IGSF22: variants seen among roughly 807,000 people sequenced by gnomAD.
IGSF22 encodes the protein immunoglobulin superfamily member 22.
A neutral mutation model predicts 127.0 loss-of-function variants in IGSF22; 119 were observed. That is an observed-to-expected ratio of 0.94 (90% confidence interval 0.81 to 1.09). The LOEUF (loss-of-function observed/expected upper bound fraction) is 1.09. Among genes scored for constraint, IGSF22 ranks in the 50% least tolerant of loss-of-function variants. The pLI is 0.00. For synonymous variants in IGSF22, 568 were observed against 664.7 expected (o/e 0.85, Z 2.24); for missense variants, 1,518 against 1,716.6 (o/e 0.88, Z 2.04).
chr11:18,708,058 C>A, intron 19 of IGSF22, 62 bp from the exon 20 acceptor site: 1 of 1,593,664 alleles, frequency 6.3e-7, no homozygotes, highest in African/African-American at 1.3e-5. Flanking sequence ...GCAGGCCTTC[C>A]TCCATTGTCG....
rs370118681 is a variant in IGSF22 at position 18,710,775 on chromosome 11, C to T, written c.2452G>A (p.Val818Met). The T allele has an allele frequency of 5.9e-5, 96 of 1,614,006 alleles. No individual in the cohort carries two copies. The East Asian group carries it at 7.4e-4, about 12-fold the overall frequency. The change falls in exon 16 of 23, where the codon GTG becomes ATG. Residue 818 changes from valine to methionine, a missense_variant. Transcript: ENST00000513874. Reference sequence around the variant, plus strand: ...GTAGGGGCATTCCACGTGATGGTCACGGCTTCTTTAGTCACATCAGTCACT... The same window carrying T: ...GTAGGGGCATTCCACGTGATGGTCATGGCTTCTTTAGTCACATCAGTCACT... ...PQVTDVTKEAVTITWNAPTQD... is the reference protein window; with the variant it reads ...PQVTDVTKEAMTITWNAPTQD...
At chr11:18,706,841 C>T in intron 21 of IGSF22, 73 bp downstream of exon 21, 1 of 1,207,548 alleles carries the variant, frequency 8.3e-7, no homozygotes, top group Non-Finnish European at 1.1e-6. Context: ...TCTTGGGTAC[C>T]CTTTGGGACC....
At chr11:18,712,555 G>A (rs1410172293) in intron 14 of IGSF22, among the ~76,000 whole-genome samples, 171 bp from the exon 15 acceptor site, 2 of 152,190 alleles carry the variant, frequency 1.3e-5, no homozygotes, top group African/African-American at 4.8e-5. Context: ...TGCCCAAAGA[G>A]TTTGATCCTT....
At chr11:18,708,117 G>A in intron 19 of IGSF22, 90 bp downstream of exon 19, 2 of 1,485,546 alleles carry the variant, frequency 1.3e-6, no homozygotes, top group Non-Finnish European at 9.3e-7. Flanking sequence ...GAGGGGCAGA[G>A]TCAGAGTCAG....
rs746177170 is a variant in IGSF22, at chr11:18,709,350, G to A, written c.2998+37C>T. On this transcript the variant is annotated intron_variant, in intron 18 of 22. Transcript: ENST00000513874. The surrounding 1 kb of genome is among the most constrained non-coding windows in gnomAD (Gnocchi z 4.8). ...AGAGGAGAAGGTTTGGAGGTACAAT[G>A]TTGGGCATGAATCCCCAGCCCTCTC... is the stretch of plus-strand genomic sequence containing the variant. The A allele has an allele frequency of 6.3e-7, 1 of 1,592,440 alleles. No homozygotes were observed. The highest frequency in any genetic ancestry group is 1.7e-5 in the Admixed American group (1 of 59,726).
At chr11:18,710,237 C>G (rs939768199) in intron 17 of IGSF22, 90 bp downstream of exon 17, 48 of 1,528,492 alleles carry the variant, frequency 3.1e-5, no homozygotes, top group Non-Finnish European at 4.3e-5. Flanking sequence ...TGTGATACCT[C>G]GTGTCATACT....
intron 14 of IGSF22, 25 bp downstream of exon 14, chr11:18,713,827 C>G: frequency 6.4e-7 from 1 of 1,574,034 alleles, no homozygotes; most frequent in Non-Finnish European, 8.6e-7. Flanking sequence ...CAGCTCAGCC[C>G]AGCCCGGACT....
chr11:18,711,645 A>T (rs1432149208), intron 15 of IGSF22, among the ~76,000 whole-genome samples: 1 of 152,114 alleles, frequency 6.6e-6, no homozygotes, highest in Non-Finnish European at 1.5e-5. Flanking sequence ...TGATCCTCCC[A>T]CCTCGGCCTC....
chr11:18,712,373 G>A lies in IGSF22; in HGVS notation c.2107C>T (p.Pro703Ser). 6.4e-7 allele frequency: 1 copy of A among 1,550,508 alleles called. No homozygotes were observed. Among genetic ancestry groups the A allele is most frequent in the Non-Finnish European group, 8.7e-7 (1 of 1,146,122 alleles). The part of the protein sequence containing the change: ...LHLSVLDRPK[P>S]PQGRVEFLEL... ...AGGAACTCCACCCGGCCCTGTGGAGGCTTTGGACGGTCTGGGGACAGAGAA... is the reference window on the plus strand; with the variant it reads ...AGGAACTCCACCCGGCCCTGTGGAGACTTTGGACGGTCTGGGGACAGAGAA... The change falls in exon 15 of 23, where the codon CCT (proline) becomes TCT (serine). Residue 703 changes from proline (P) to serine (S), a missense_variant. Transcript: ENST00000513874.
Position 18,705,926 on chromosome 11 carries a change from C to G in IGSF22, c.3801G>C (p.Val1267=). 1.3e-6 allele frequency: 2 copies of G among 1,551,732 alleles called. No individual in the cohort carries two copies. The highest frequency in any genetic ancestry group is 1.7e-6 in the Non-Finnish European group (2 of 1,146,994). ...TGCAGGTGGGGATGACGAGGGTGCACACGCCGCTGGTGGAGTTGTACCAGA... is the reference window on the plus strand; with the variant it reads ...TGCAGGTGGGGATGACGAGGGTGCAGACGCCGCTGGTGGAGTTGTACCAGA... The part of the protein sequence containing the change: ...SKFWYNSTSG[V]CTLVIPTCTL... The change falls in exon 22 of 23, where the codon GTG becomes GTC. Residue 1267 remains valine (V), a synonymous_variant. Coordinates refer to ENST00000513874, the MANE Select transcript of IGSF22 (RefSeq NM_173588.4).
At chr11:18,722,875 G>A (rs531641633) in intron 2 of IGSF22, among the ~76,000 whole-genome samples, 1 of 152,340 alleles carries the variant, frequency 6.6e-6, no homozygotes, top group East Asian at 1.9e-4. Context: ...ATACTAACAA[G>A]AGGTCTCAAA....
chr11:18,709,464 C>T lies in IGSF22; in HGVS notation c.2921G>A (p.Arg974Gln), dbSNP rs753291601. 19 of 1,614,006 alleles carry T rather than the reference C, an allele frequency of 1.2e-5. No individual in the cohort carries two copies. Among genetic ancestry groups the T allele is most frequent in the Middle Eastern group, 1.6e-4 (1 of 6,084 alleles). ...CCCAGCCTCATTCACAGCCCGGATT[C>T]GGAAGAAGTATTTCTGCCTCTCGAT... ...GLIERQKYFF[R>Q]IRAVNEAGVG... is the part of the protein sequence containing the mutation. Residue 974 changes from arginine (R) to glutamine (Q), a missense_variant, in exon 18 of 23, where the codon CGA (arginine) becomes CAA (glutamine). Transcript: ENST00000513874. This position sits in a 1 kb window ranked among gnomAD's most constrained non-coding sequence, Gnocchi z 4.8.
At position 18,719,718 on chromosome 11, in the gene IGSF22, C is replaced by A. The variant is rs372001002; in HGVS notation, c.694G>T (p.Glu232Ter). 6.0e-5 allele frequency: 97 copies of A among 1,613,948 alleles called. No homozygotes were observed. The highest frequency in any genetic ancestry group is 1.0e-4 in the Admixed American group (6 of 60,002). ...LKEMKKKVEV[E>*]AIRILKPLED... is the part of the protein sequence containing the mutation. Reference sequence around the variant, plus strand: ...CCTGCTCCCTGCAGGGTACTTACCTCCACCTCTACTTTCTTCTTCATCTCT... The same window carrying A: ...CCTGCTCCCTGCAGGGTACTTACCTACACCTCTACTTTCTTCTTCATCTCT... Residue 232 changes from glutamate (E) to a stop codon, truncating the protein, a stop_gained and splice_region_variant, in exon 7 of 23, where the codon GAG (glutamate) becomes TAG (stop). Transcript: ENST00000513874. LOFTEE classifies it high-confidence loss of function.
At position 18,714,305 on chromosome 11, in the gene IGSF22, C is replaced by T. The variant is rs374783169; in HGVS notation, c.1770G>A (p.Thr590=). The T allele has an allele frequency of 2.2e-5, 35 of 1,613,966 alleles. No individual in the cohort carries two copies. The highest frequency in any genetic ancestry group is 5.3e-5 in the African/African-American group (4 of 74,930). ...EGKYTFRAKG[T]ESEASVFIAD... The stretch of plus-strand genomic sequence containing the variant: ...CGATGAATACAGAGGCTTCACTTTC[C>T]GTGCCCTTGGCCCGGAATGTGTACT... The change falls in exon 13 of 23, where the codon ACG becomes ACA. Residue 590 remains threonine (T), a synonymous_variant. Transcript: ENST00000513874.
intron 10 of IGSF22, 99 bp from the exon 11 acceptor site, chr11:18,715,815 A>G: frequency 7.7e-7 from 1 of 1,304,416 alleles, no homozygotes; most frequent in Non-Finnish European, 1.1e-6. Flanking sequence ...GTCCCCAGAA[A>G]ACACAAGAAC....
intron 7 of IGSF22, among the ~76,000 whole-genome samples, 197 bp downstream of exon 7, chr11:18,719,519 T>C (rs1297687054): frequency 6.6e-6 from 1 of 152,140 alleles, no homozygotes; most frequent in African/African-American, 2.4e-5. Context: ...CATGCAAGTA[T>C]GTTTGGGAGT....
intron 2 of IGSF22, 68 bp downstream of exon 2, chr11:18,724,060 C>A: frequency 7.5e-7 from 1 of 1,339,940 alleles, no homozygotes; most frequent in Non-Finnish European, 1.1e-6. Context: ...CTGGGGCCAC[C>A]CAAGGGATGG....
chr11:18,705,956 G>A lies in IGSF22; in HGVS notation c.3771C>T (p.Ser1257=). ...CGCTGGTGGAGTTGTACCAGAACTTGGAGTTGGCCGTGATGTTGACGTCGC... is the reference window on the plus strand; with the variant it reads ...CGCTGGTGGAGTTGTACCAGAACTTAGAGTTGGCCGTGATGTTGACGTCGC... ...YKGDVNITAN[S]KFWYNSTSGV... Residue 1257 remains serine (S), a synonymous_variant, in exon 22 of 23, where the codon TCC becomes TCT. Transcript: ENST00000513874. 6.4e-7 allele frequency: 1 copy of A among 1,551,764 alleles called. No homozygotes were observed. The highest frequency in any genetic ancestry group is 1.4e-5 in the African/African-American group (1 of 73,180).
At chr11:18,721,454 C>T in intron 4 of IGSF22, 81 bp downstream of exon 4, 4 of 1,581,550 alleles carry the variant, frequency 2.5e-6, no homozygotes, top group Non-Finnish European at 3.5e-6. Context: ...AGGCTCTCAT[C>T]GGTGAGAAGA....
Sources: allele counts gnomAD v4.1 joint callset (sites outside exome capture counted in the v4.1 genomes callset), GRCh38; gene constraint gnomAD v4.1.1; non-coding constraint Gnocchi (gnomAD v3.1); transcripts MANE v1.5; gene names NCBI Gene and HGNC (gene_info 2026-07-23, HGNC 2026-07-21).